GON4L: variants seen among roughly 807,000 people sequenced by gnomAD.
GON4L encodes gon-4 like, also known as GON-4-like protein.
GON4L carries 87 observed loss-of-function variants against 211.8 expected under a neutral mutation model. The observed-to-expected ratio is 0.41, with a 90% CI of 0.35 to 0.49. The LOEUF (loss-of-function observed/expected upper bound fraction) is 0.49, where lower values mean the gene tolerates loss of function less well. GON4L is among the 20% of genes least tolerant of loss of function. GON4L has a pLI of 0.15. For synonymous variants in GON4L, 875 were observed against 962.6 expected (o/e 0.91, Z 1.68); for missense variants, 2,155 against 2,659.5 (o/e 0.81, Z 4.17).
intron 2 of GON4L, among the ~76,000 whole-genome samples, chr1:155,828,991 T>A (rs1417354820): frequency 6.6e-6 from 1 of 152,070 alleles, no homozygotes; most frequent in Non-Finnish European, 1.5e-5. Flanking sequence ...GTACTTTTTA[T>A]ATTTCTGAAT....
chr1:155,763,510 C>T lies in GON4L; in HGVS notation c.4528G>A (p.Gly1510Ser). The T allele has an allele frequency of 6.4e-7, 1 of 1,550,626 alleles. No homozygotes were observed. The highest frequency in any genetic ancestry group is 8.7e-7 in the Non-Finnish European group (1 of 1,146,948). The change falls in exon 22 of 32, where the codon GGT becomes AGT. Residue 1510 changes from glycine to serine, a missense_variant. By Grantham distance (56) the Gly-to-Ser change is moderately conservative. Coordinates refer to ENST00000368331, the MANE Select transcript of GON4L (RefSeq NM_001282860.2). ...LASERRMSQEGESEEENSQEE... is the reference protein window; with the variant it reads ...LASERRMSQESESEEENSQEE... ...TGAGAATTCTCTTCTTCAGACTCAC[C>T]CTCCTGACTCATGCGCCTTTCAGAT... is the stretch of plus-strand genomic sequence containing the variant.
At chr1:155,812,610 C>G (rs1667893028) in intron 10 of GON4L, among the ~76,000 whole-genome samples, 1 of 150,616 alleles carries the variant, frequency 6.6e-6, no homozygotes, top group Non-Finnish European at 1.5e-5. Context: ...GGCTGGAGTG[C>G]AGTGGCGCAA....
downstream of GON4L, chr1:155,747,846 G>A (rs1441318941): frequency 6.3e-7 from 1 of 1,595,340 alleles, no homozygotes; most frequent in African/African-American, 1.3e-5. Context: ...TGAATATTCA[G>A]GGCGGGGAAT....
At chr1:155,839,924 TTCATATC>T (rs1396033726) in intron 2 of GON4L, among the ~76,000 whole-genome samples, 2 of 152,354 alleles carry the variant, frequency 1.3e-5, no homozygotes, top group Non-Finnish European at 2.9e-5. Flanking sequence ...ATTTCTCAGA[TTCATATC>T]TCATAAGTTC....
rs1417767599 is a variant in GON4L at position 155,766,688 on chromosome 1, C to G, written c.2785G>C (p.Glu929Gln). The G allele has an allele frequency of 4.3e-6, 7 of 1,614,050 alleles. 1 individual carries two copies. The highest frequency in any genetic ancestry group is 1.1e-5 in the South Asian group (1 of 91,084). The stretch of plus-strand genomic sequence containing the variant: ...CCATCAGCCATGTGCCGCAGTTCTT[C>G]CTGGATGGATGGCAGACTGGCCTAT... ...WLKASLPSIQEELRHMADGAR... is the reference protein window; with the variant it reads ...WLKASLPSIQQELRHMADGAR... The change falls in exon 21 of 32, where the codon GAA (glutamate) becomes CAA (glutamine). Residue 929 changes from glutamate (E) to glutamine (Q), a missense_variant. Coordinates refer to ENST00000368331, the MANE Select transcript of GON4L (RefSeq NM_001282860.2).
At chr1:155,790,094 G>A (rs1201759542) in intron 12 of GON4L, among the ~76,000 whole-genome samples, 1 of 151,448 alleles carries the variant, frequency 6.6e-6, no homozygotes, top group Non-Finnish European at 1.5e-5. Flanking sequence ...ACACACCAAT[G>A]CACCCAGATA....
At chr1:155,819,525 G>A (rs1449290676) in intron 6 of GON4L, among the ~76,000 whole-genome samples, 2 of 151,806 alleles carry the variant, frequency 1.3e-5, no homozygotes, top group Non-Finnish European at 2.9e-5. Flanking sequence ...CAAAGTGCTG[G>A]GATTACAGGC....
At chr1:155,849,198 G>A (rs1671538127) in intron 2 of GON4L, among the ~76,000 whole-genome samples, 1 of 147,656 alleles carries the variant, frequency 6.8e-6, no homozygotes, top group Non-Finnish European at 1.5e-5. Context: ...GCTCACGCCT[G>A]TAATCCCAGC....
intron 11 of GON4L, among the ~76,000 whole-genome samples, chr1:155,796,528 T>C (rs978431913): frequency 3.3e-5 from 5 of 152,160 alleles, no homozygotes; most frequent in African/African-American, 9.6e-5. Flanking sequence ...TCCGCCTGCA[T>C]TGGCCTCCGA....
chr1:155,748,529 A>C, downstream of GON4L: 1 of 1,613,834 alleles, frequency 6.2e-7, no homozygotes, highest in African/African-American at 1.3e-5. Context: ...CTGTGGGAAA[A>C]AGGTATGAAG....
chr1:155,753,232 G>T lies in GON4L; in HGVS notation c.5814C>A (p.Thr1938=), dbSNP rs1330067067. The change falls in exon 29 of 32, where the codon ACC becomes ACA. Residue 1938 remains threonine, a synonymous_variant. Coordinates refer to ENST00000368331, the MANE Select transcript of GON4L (RefSeq NM_001282860.2). ...TEATQSRTVR[T]TRKGEMPVSA... is the part of the protein sequence containing the mutation. ...AAACAGGCATCTCTCCCTTTCTGGT[G>T]GTCCTGACAGTCCTGCTCTGGGTGG... 3 of 1,602,770 alleles carry T rather than the reference G, an allele frequency of 1.9e-6. No individual in the cohort carries two copies. Among genetic ancestry groups the T allele is most frequent in the South Asian group, 2.2e-5 (2 of 90,490 alleles).
At chr1:155,825,144 A>G (rs1669078164) in intron 3 of GON4L, among the ~76,000 whole-genome samples, 1 of 152,124 alleles carries the variant, frequency 6.6e-6, no homozygotes, top group South Asian at 2.1e-4. Context: ...AGCCTGGGTG[A>G]CAGAGCAGTA....
At chr1:155,836,457 C>G (rs1670324862) in intron 2 of GON4L, among the ~76,000 whole-genome samples, 1 of 152,132 alleles carries the variant, frequency 6.6e-6, no homozygotes, top group African/African-American at 2.4e-5. Flanking sequence ...ACCACATTGG[C>G]CAGGTTGGTC....
In GON4L at chr1:155,813,823, T is replaced by G. The variant is rs1487761346; in HGVS notation, c.1282-19A>C. The stretch of plus-strand genomic sequence containing the variant: ...TCTCAGCCTGATTAAAAGAGGTGAC[T>G]GCATCAAAAAAGGAAGGAGGTAAGA... On this transcript the variant is annotated intron_variant, in intron 9 of 31. Coordinates refer to ENST00000368331, the MANE Select transcript of GON4L (RefSeq NM_001282860.2). 1 of 1,609,094 alleles carries G rather than the reference T, an allele frequency of 6.2e-7. No homozygotes were observed. The highest frequency in any genetic ancestry group is 8.5e-7 in the Non-Finnish European group (1 of 1,176,678).
chr1:155,815,645 C>T (rs1668172367), intron 8 of GON4L, among the ~76,000 whole-genome samples, 160 bp downstream of exon 8: 1 of 151,994 alleles, frequency 6.6e-6, no homozygotes, highest in Non-Finnish European at 1.5e-5. Context: ...ACAACAAATT[C>T]TAAAATTAAG....
rs968785395 is a variant in GON4L at position 155,802,225 on chromosome 1, A to G, written c.1645+2724T>C. ...TTGGAAATGACTGGTAGGAAAATGA[A>G]GTGCCAATAAATAAACTCTAAGAGA... On this transcript the variant is annotated intron_variant, in intron 11 of 31. Transcript: ENST00000368331. 2.0e-5 allele frequency among the ~76,000 whole-genome samples: 3 copies of G among 151,164 alleles called. No homozygotes were observed. In the Admixed American group the frequency reaches 2.0e-4, roughly 10 times the overall value.
At chr1:155,824,451 A>AG (rs1669001946) in intron 3 of GON4L, among the ~76,000 whole-genome samples, 1 of 145,562 alleles carries the variant, frequency 6.9e-6, no homozygotes, top group Non-Finnish European at 1.5e-5. Flanking sequence ...AAAAAAAAAA[A>AG]AAAAAAAAAA....
intron 2 of GON4L, among the ~76,000 whole-genome samples, chr1:155,837,010 GT>G (rs1319529306): frequency 6.6e-6 from 1 of 152,052 alleles, no homozygotes; most frequent in East Asian, 1.9e-4. Context: ...CCACCCCCAG[GT>G]TTTCAGCATT....
Position 155,753,383 on chromosome 1 carries a change from T to A in GON4L, c.5663A>T (p.Glu1888Val), listed in dbSNP as rs1336910702. 2.5e-6 allele frequency: 4 copies of A among 1,613,568 alleles called. No individual in the cohort carries two copies. The highest frequency in any genetic ancestry group is 3.4e-6 in the Non-Finnish European group (4 of 1,179,762). ...VCDSKSYKSK[E>V]PHELVGSSPH... ...GCTGCTGCCCACCAACTCATGGGGC[T>A]CCTTGCTCTTGTAGGATTTGCTGTC... is the stretch of plus-strand genomic sequence containing the variant. Residue 1888 changes from glutamate (E) to valine (V), a missense_variant, in exon 29 of 32, where the codon GAG becomes GTG. Physicochemically the swap from Glu to Val is moderately radical, Grantham distance 121 (BLOSUM62 -2). This residue lies in a region of GON4L where 455 missense variants were observed against 504.6 expected (regional missense o/e 0.90). Coordinates refer to ENST00000368331, the MANE Select transcript of GON4L (RefSeq NM_001282860.2).
Sources: gnomAD v4.1 joint callset for allele counts (sites outside exome capture counted in the v4.1 genomes callset) on GRCh38, gnomAD v4.1.1 for gene constraint, gnomAD v4.1.1 regional missense constraint, MANE v1.5 for transcripts, NCBI Gene and HGNC (gene_info 2026-07-23, HGNC 2026-07-21) for gene names.